The following CDH8 variants were observed in gnomAD, a reference collection of about 807,000 sequenced individuals.
CDH8 encodes the protein cadherin-8.
CDH8 carries 17 observed loss-of-function variants against 68.1 expected under a neutral mutation model. The ratio of observed to expected loss-of-function variants is 0.25; its 90% CI spans 0.17 to 0.37. CDH8 has a LOEUF of 0.37. Ranked by LOEUF, CDH8 falls within the 10% of genes least tolerant of loss-of-function variation. CDH8 has a pLI of 1.00. For missense variants in CDH8, 763 were observed against 999.3 expected (o/e 0.76, Z 3.19); for synonymous variants, 372 against 365.1 (o/e 1.02, Z -0.21).
At chr16:61,779,380 T>C (rs1457832262) in intron 8 of CDH8, among the ~76,000 whole-genome samples, 1 of 151,714 alleles carries the variant, frequency 6.6e-6, no homozygotes, top group Non-Finnish European at 1.5e-5. Context: ...TGCCTCATCT[T>C]TCTTTGCCTC....
At chr16:61,731,170 G>A (rs890892978) in intron 8 of CDH8, among the ~76,000 whole-genome samples, 1 of 151,618 alleles carries the variant, frequency 6.6e-6, no homozygotes, top group Non-Finnish European at 1.5e-5. Flanking sequence ...TGACCTTCAA[G>A]CCTAAGTGTA....
chr16:61,658,049 C>A (rs1229253713), intron 10 of CDH8, among the ~76,000 whole-genome samples: 2 of 152,058 alleles, frequency 1.3e-5, no homozygotes, highest in Non-Finnish European at 2.9e-5. Flanking sequence ...CAGTTCCAGG[C>A]AACATCAATT....
At chr16:61,669,690 G>C (rs1438146921) in intron 10 of CDH8, among the ~76,000 whole-genome samples, 1 of 151,900 alleles carries the variant, frequency 6.6e-6, no homozygotes, top group South Asian at 2.1e-4. Flanking sequence ...CATACACTGT[G>C]GTCCGCTATG....
chr16:62,034,708 G>T (rs978423392), intron 1 of CDH8, among the ~76,000 whole-genome samples: 6 of 152,108 alleles, frequency 3.9e-5, no homozygotes, highest in African/African-American at 1.4e-4. Flanking sequence ...CTCCTAAGGA[G>T]GAAACTCTTG....
At chr16:61,904,705 A>G (rs1186891733) in intron 2 of CDH8, among the ~76,000 whole-genome samples, 1 of 152,258 alleles carries the variant, frequency 6.6e-6, no homozygotes, top group East Asian at 1.9e-4. Context: ...GATAAGGGCT[A>G]TGTGAATCAC....
At chr16:61,838,625 G>A (rs1004296861) in intron 4 of CDH8, among the ~76,000 whole-genome samples, 4 of 152,056 alleles carry the variant, frequency 2.6e-5, no homozygotes, top group Non-Finnish European at 4.4e-5. Context: ...GCAAGTCCCT[G>A]ATTGATTTCT....
intron 2 of CDH8, among the ~76,000 whole-genome samples, chr16:61,902,876 TA>T (rs1964001593): frequency 6.6e-6 from 1 of 152,208 alleles, no homozygotes; most frequent in Non-Finnish European, 1.5e-5. Context: ...ATTTATTGTA[TA>T]AAATGTATTA....
intron 2 of CDH8, among the ~76,000 whole-genome samples, chr16:61,983,194 T>G (rs1965568065): frequency 6.6e-6 from 1 of 152,198 alleles, no homozygotes; most frequent in Non-Finnish European, 1.5e-5. Context: ...TTTTCTTTCT[T>G]TAGAGTTTAA....
Position 61,844,289 on chromosome 16 carries a change from G to C in CDH8, c.667+12830C>G, listed in dbSNP as rs1962755248. Among the ~76,000 whole-genome samples, 3 of 116,166 alleles carry C rather than the reference G, an allele frequency of 2.6e-5. No homozygotes were observed. The Admixed American group carries it at 3.0e-4, about 12-fold the overall frequency. The allele number at this position is 116,166 out of a possible 152,430, so 76.2% of individuals were successfully genotyped here. A position where few individuals can be genotyped will look rare whatever the true frequency, so the allele number is the denominator to read the frequency against. On this transcript the variant is annotated intron_variant, in intron 4 of 11. Coordinates refer to ENST00000577390, the MANE Select transcript of CDH8 (RefSeq NM_001796.5). ...CGGGGACTGTTGTGGGGTGGGGGGA[G>C]GGGGGAGGGAGGGATAGCATTAGGA... is the stretch of plus-strand genomic sequence containing the variant.
intron 2 of CDH8, among the ~76,000 whole-genome samples, chr16:61,961,909 A>G (rs1965161144): frequency 1.3e-5 from 2 of 152,244 alleles, no homozygotes; most frequent in Non-Finnish European, 2.9e-5. Context: ...AAATTTACTT[A>G]CAACTTTGAC....
chr16:61,735,764 GTACTT>G (rs1400807797), intron 8 of CDH8, among the ~76,000 whole-genome samples: 1 of 152,022 alleles, frequency 6.6e-6, no homozygotes, highest in African/African-American at 2.4e-5. Flanking sequence ...ATTAGGAAAA[GTACTT>G]TACTTTAGGT....
intron 3 of CDH8, among the ~76,000 whole-genome samples, chr16:61,888,067 G>A (rs1963708520): frequency 6.6e-6 from 1 of 152,158 alleles, no homozygotes; most frequent in African/African-American, 2.4e-5. Flanking sequence ...GGAAGTGAGA[G>A]CAAGACATCA....
chr16:61,679,129 T>C (rs968863582), intron 10 of CDH8, among the ~76,000 whole-genome samples: 45 of 152,028 alleles, frequency 3.0e-4, no homozygotes, highest in Non-Finnish European at 8.8e-5. Context: ...AGGCTAAAGA[T>C]TTAATAAAAG....
At chr16:62,026,518 A>G (rs1368050717) in intron 1 of CDH8, among the ~76,000 whole-genome samples, 1 of 152,212 alleles carries the variant, frequency 6.6e-6, no homozygotes, top group East Asian at 1.9e-4. Context: ...CATGTCATTG[A>G]ATGTCATGCC....
At chr16:61,821,760 G>C (rs891547010) in intron 5 of CDH8, among the ~76,000 whole-genome samples, 7 of 151,866 alleles carry the variant, frequency 4.6e-5, no homozygotes, top group African/African-American at 1.5e-4. Flanking sequence ...TCTCCTATGG[G>C]GGCAATAAAG....
chr16:62,016,368 A>G (rs1901940546), intron 2 of CDH8, among the ~76,000 whole-genome samples: 1 of 152,232 alleles, frequency 6.6e-6, no homozygotes, highest in African/African-American at 2.4e-5. Context: ...CTCTGCAGAT[A>G]GTAGATGCTC....
At chr16:61,715,271 T>C (rs1353247430) in intron 9 of CDH8, among the ~76,000 whole-genome samples, 1 of 151,580 alleles carries the variant, frequency 6.6e-6, no homozygotes, top group East Asian at 1.9e-4. Flanking sequence ...TAATTTAAAG[T>C]ATAACTCATG....
chr16:61,896,153 A>G (rs769170613), intron 3 of CDH8, among the ~76,000 whole-genome samples: 7 of 152,222 alleles, frequency 4.6e-5, no homozygotes, highest in Non-Finnish European at 1.0e-4. Flanking sequence ...AACCAACTTC[A>G]GCAACGCTAG....
rs1449609082 is a variant in CDH8, at chr16:61,653,820, G to A, written c.2188C>T (p.His730Tyr). The A allele has an allele frequency of 6.2e-7, 1 of 1,614,206 alleles. No individual in the cohort carries two copies. The highest frequency in any genetic ancestry group is 1.7e-5 in the Admixed American group (1 of 60,020). ...GCCGTGGGATCATTATCTGCCTCAT[G>A]CAGCCTTACATTTATAAATTCATCG... ...DVDEFINVRL[H>Y]EADNDPTAPP... Residue 730 changes from histidine to tyrosine, a missense_variant, in exon 12 of 12, where the codon CAT (histidine) becomes TAT (tyrosine). Transcript: ENST00000577390.
Sources: allele counts gnomAD v4.1 joint callset (sites outside exome capture counted in the v4.1 genomes callset), GRCh38; gene constraint gnomAD v4.1.1; transcripts MANE v1.5; gene names NCBI Gene and HGNC (gene_info 2026-07-23, HGNC 2026-07-21).